Variants in WNK3 observed in about 807,000 individuals in gnomAD.
The protein encoded by WNK3 is WNK lysine deficient protein kinase 3.
In WNK3, 18 loss-of-function variants were observed where a neutral mutation model predicts 116.7. The observed-to-expected ratio is 0.15, with a 90% CI of 0.11 to 0.23. WNK3 has a LOEUF of 0.23. Ranked by LOEUF, WNK3 falls within the 10% of genes least tolerant of loss-of-function variation. The pLI is 1.00. For missense variants in WNK3, 993 were observed against 1,323.8 expected, an observed-to-expected ratio of 0.75 and a Z score of 3.88; for synonymous variants, 404 against 469.4, an observed-to-expected ratio of 0.86 and a Z score of 1.80.
intron 1 of WNK3, among the ~76,000 whole-genome samples, chrX:54,338,944 G>A: frequency 9.5e-6 from 1 of 105,012 alleles, no homozygotes; most frequent in Non-Finnish European, 1.9e-5. Flanking sequence ...AGAGGCTGCA[G>A]TGAGCCAAGA....
intron 22 of WNK3, among the ~76,000 whole-genome samples, chrX:54,218,218 T>C (rs1430504507): frequency 9.0e-6 from 1 of 111,385 alleles, no homozygotes; most frequent in Non-Finnish European, 1.9e-5. Context: ...TTTGTATATA[T>C]GTGCATTCCT....
intron 2 of WNK3, among the ~76,000 whole-genome samples, chrX:54,323,877 G>A (rs375489365): frequency 6.5e-4 from 73 of 111,961 alleles, no homozygotes; most frequent in African/African-American, 2.2e-3. Context: ...TTTGTTGAAT[G>A]AACAAATGGC....
At chrX:54,340,484 G>A (rs782352800) in intron 1 of WNK3, among the ~76,000 whole-genome samples, 7 of 110,349 alleles carry the variant, frequency 6.3e-5, no homozygotes, top group African/African-American at 2.3e-4. Context: ...AGTGGCGCAC[G>A]CCTGTAATCC....
chrX:54,198,313 T>A, exon 24 of WNK3: 1 of 1,156,301 alleles, frequency 8.6e-7, no homozygotes, highest in East Asian at 3.1e-5. Flanking sequence ...TTTATCACCA[T>A]CTACTCTGAT....
At chrX:54,196,318 C>T (rs994511299) in exon 24 of WNK3, 1 of 110,669 alleles carries the variant, frequency 9.0e-6, no homozygotes, top group African/African-American at 3.3e-5. Flanking sequence ...AACAGCAATT[C>T]TCAAAATGCT....
intron 2 of WNK3, among the ~76,000 whole-genome samples, chrX:54,330,642 C>G (rs903710931): frequency 9.0e-6 from 1 of 111,053 alleles, no homozygotes; most frequent in Non-Finnish European, 1.9e-5. Flanking sequence ...TAGTAGGCAT[C>G]TATTTTAAAA....
At chrX:54,347,945 T>C (rs1172994626) in intron 1 of WNK3, among the ~76,000 whole-genome samples, 4 of 108,899 alleles carry the variant, frequency 3.7e-5, no homozygotes, top group Non-Finnish European at 7.6e-5. Flanking sequence ...TTAACAAATA[T>C]ATGTTCTCTC....
intron 2 of WNK3, among the ~76,000 whole-genome samples, chrX:54,327,097 T>C (rs1364250800): frequency 8.9e-6 from 1 of 111,843 alleles, no homozygotes; most frequent in East Asian, 2.8e-4. Flanking sequence ...TATGAAAAAC[T>C]TGAAATGCAG....
At chrX:54,199,844 AAAAC>A (rs782626510) in intron 23 of WNK3, among the ~76,000 whole-genome samples, 6 of 112,044 alleles carry the variant, frequency 5.4e-5, no homozygotes, top group East Asian at 2.8e-4. Flanking sequence ...AAAAAAAATA[AAAAC>A]AAACAAACTA....
At chrX:54,246,019 T>A (rs1557152623) in intron 17 of WNK3, among the ~76,000 whole-genome samples, 1 of 112,376 alleles carries the variant, frequency 8.9e-6, no homozygotes, top group East Asian at 2.8e-4. Flanking sequence ...AATTTTGCCT[T>A]TCTCTCATTA....
intron 10 of WNK3, among the ~76,000 whole-genome samples, chrX:54,286,659 T>C (rs1263112366): frequency 9.0e-6 from 1 of 111,008 alleles, no homozygotes; most frequent in African/African-American, 3.3e-5. Context: ...ACGTCTGTGA[T>C]CTCAGCACTT....
exon 8 of WNK3, chrX:54,294,666 G>T: frequency 8.3e-7 from 1 of 1,209,840 alleles, no homozygotes; most frequent in Non-Finnish European, 1.1e-6. Flanking sequence ...GGGAGCAAGG[G>T]GTAAAGTTGT....
chrX:54,313,035 G>A (rs2068905778), intron 2 of WNK3, among the ~76,000 whole-genome samples: 1 of 110,532 alleles, frequency 9.0e-6, no homozygotes, highest in South Asian at 3.8e-4. Flanking sequence ...TTGTTGTAAT[G>A]TCTTCTCTTT....
At chrX:54,286,465 T>C (rs1410098472) in intron 10 of WNK3, among the ~76,000 whole-genome samples, 3 of 111,486 alleles carry the variant, frequency 2.7e-5, no homozygotes, top group Admixed American at 1.9e-4. Context: ...ATATTATCAC[T>C]AGAAAATAAC....
At chrX:54,294,481 C>A in intron 8 of WNK3, 72 bp downstream of exon 8, 1 of 851,422 alleles carries the variant, frequency 1.2e-6, no homozygotes. Context: ...TGACCACTGC[C>A]CTTCAAAATA....
intron 1 of WNK3, among the ~76,000 whole-genome samples, chrX:54,345,276 A>ACAAC (rs1322495788): frequency 1.0e-4 from 8 of 77,470 alleles, no homozygotes; most frequent in African/African-American, 2.4e-4. Flanking sequence ...AACAACAACT[A>ACAAC]TATATATATG....
chrX:54,351,542 G>A (rs961277165), intron 1 of WNK3, among the ~76,000 whole-genome samples: 4 of 110,861 alleles, frequency 3.6e-5, no homozygotes, highest in East Asian at 2.8e-4. Context: ...AGGCTGAGGC[G>A]GGAGGATCAC....
intron 10 of WNK3, among the ~76,000 whole-genome samples, chrX:54,269,123 G>A (rs1029724867): frequency 6.3e-5 from 7 of 110,715 alleles, no homozygotes; most frequent in African/African-American, 2.0e-4. Context: ...ATATAATCAT[G>A]AGGAAACTTC....
intron 17 of WNK3, among the ~76,000 whole-genome samples, chrX:54,246,483 G>A (rs782315391): frequency 1.7e-4 from 19 of 111,178 alleles, no homozygotes; most frequent in Non-Finnish European, 2.6e-4. Flanking sequence ...ATTTCTAAAT[G>A]GAAATAAGCA....
Sources: allele counts gnomAD v4.1 joint callset (sites outside exome capture counted in the v4.1 genomes callset), GRCh38; gene constraint gnomAD v4.1.1; transcripts MANE v1.5; gene names NCBI Gene and HGNC (gene_info 2026-07-23, HGNC 2026-07-21).